HTR5A: variants seen among roughly 807,000 people sequenced by gnomAD.
HTR5A encodes 5-HT-5.
HTR5A carries 21 observed loss-of-function variants against 24.3 expected under a neutral mutation model. The ratio of observed to expected loss-of-function variants is 0.86; its 90% CI spans 0.61 to 1.24. The LOEUF is 1.24. Ranked by LOEUF, HTR5A falls within the 50% of genes most tolerant of loss-of-function variation. The pLI is 0.00. For missense variants in HTR5A, 497 were observed against 489.5 expected (o/e 1.02, Z -0.15); for synonymous variants, 260 against 213.7 (o/e 1.22, Z -1.89).
intron 1 of HTR5A, among the ~76,000 whole-genome samples, chr7:155,073,338 G>A (rs374270995): frequency 0.019 from 816 of 42,160 alleles, 3 homozygotes; most frequent in Middle Eastern, 0.074. Flanking sequence ...AAAAAAAAAA[G>A]AATTGAGGAT....
At chr7:155,071,791 C>G (rs1795298796) in intron 1 of HTR5A, 151 bp downstream of exon 1, 1 of 744,420 alleles carries the variant, frequency 1.3e-6, no homozygotes, top group Non-Finnish European at 2.2e-6. Flanking sequence ...AAGAAAGCAT[C>G]AGAGATGTAC....
Position 155,070,414 on chromosome 7 carries a change from C to T in HTR5A, c.-486C>T, listed in dbSNP as rs1240224876. 2.2e-6 allele frequency: 1 copy of T among 454,670 alleles called. No homozygotes were observed. The highest frequency in any genetic ancestry group is 7.0e-5 in the East Asian group (1 of 14,192). 28.2% of individuals were successfully genotyped at this position (454,670 alleles called of 1,614,324 possible). A position where few individuals can be genotyped will look rare whatever the true frequency, so the allele number is the denominator to read the frequency against. ...TCCCAGAAAGCAGGTTCCCCCAAAA[C>T]TGGCTTCCCTAGCACGGAGTTAAGG... is the stretch of plus-strand genomic sequence containing the variant. On this transcript the variant is annotated 5_prime_UTR_variant, in exon 1 of 2. Transcript: ENST00000287907.
At chr7:155,077,410 A>T (rs918189155) in intron 1 of HTR5A, among the ~76,000 whole-genome samples, 1 of 151,390 alleles carries the variant, frequency 6.6e-6, no homozygotes, top group African/African-American at 2.4e-5. Flanking sequence ...TCAATTTGTC[A>T]TTCATTATCT....
At chr7:155,078,096 C>A (rs1329193278) in intron 1 of HTR5A, among the ~76,000 whole-genome samples, 1 of 152,096 alleles carries the variant, frequency 6.6e-6, no homozygotes, top group African/African-American at 2.4e-5. Context: ...TTCAAGGGTC[C>A]TCCTGCTAGC....
chr7:155,083,259 A>C (rs1250472687), intron 1 of HTR5A, among the ~76,000 whole-genome samples: 1 of 152,246 alleles, frequency 6.6e-6, no homozygotes, highest in Admixed American at 6.5e-5. Flanking sequence ...GAGGGGAAGA[A>C]TACTATTTAA....
Position 155,084,666 on chromosome 7 carries a change from CAT to C in HTR5A, c.*181_*182del. The stretch of plus-strand genomic sequence containing the variant: ...CCTCCTCAGTAGGAATATGACTCCT[CAT>C]AGAGTTACGGTGACATGATGTATCT... On this transcript the variant is annotated 3_prime_UTR_variant, in exon 2 of 2. Coordinates refer to ENST00000287907, the MANE Select transcript of HTR5A (RefSeq NM_024012.4). 1 of 595,582 alleles carries C rather than the reference CAT, an allele frequency of 1.7e-6. No individual in the cohort carries two copies. The highest frequency in any genetic ancestry group is 3.0e-6 in the Non-Finnish European group (1 of 338,012). 36.9% of individuals were successfully genotyped at this position (595,582 alleles called of 1,614,324 possible). A position where few individuals can be genotyped will look rare whatever the true frequency, so the allele number is the denominator to read the frequency against.
Position 155,084,234 on chromosome 7 carries a change from C to T in HTR5A, c.821C>T (p.Thr274Met), listed in dbSNP as rs773969198. Residue 274 changes from threonine to methionine, a missense_variant, in exon 2 of 2, where the codon ACG becomes ATG. Coordinates refer to ENST00000287907, the MANE Select transcript of HTR5A (RefSeq NM_024012.4). Reference sequence around the variant, plus strand: ...GTCACCTTCCAGCCAGAAGGGGACACGTGGCGGGAGCAGAAGGAGCAGCGG... The same window carrying T: ...GTCACCTTCCAGCCAGAAGGGGACATGTGGCGGGAGCAGAAGGAGCAGCGG... ...ATVTFQPEGD[T>M]WREQKEQRAA... The T allele has an allele frequency of 4.5e-5, 72 of 1,613,954 alleles. No individual in the cohort carries two copies. Among genetic ancestry groups the T allele is most frequent in the Non-Finnish European group, 5.4e-5 (64 of 1,180,016 alleles).
chr7:155,081,350 C>G lies in HTR5A; in HGVS notation c.742-2805C>G, dbSNP rs1319755592. ...TGGTTGGATGAAATAAAAGAACATA[C>G]CAGATTTGTGATTAACCAGTAAATA... On this transcript the variant is annotated intron_variant, in intron 1 of 1. Coordinates refer to ENST00000287907, the MANE Select transcript of HTR5A (RefSeq NM_024012.4). Among the ~76,000 whole-genome samples the G allele has an allele frequency of 2.6e-5, 4 of 152,072 alleles. No homozygotes were observed. In the South Asian group the frequency reaches 6.2e-4, roughly 24 times the overall value.
chr7:155,074,845 GACAA>G (rs1328139441), intron 1 of HTR5A: 1 of 152,088 alleles, frequency 6.6e-6, no homozygotes, highest in African/African-American at 2.4e-5. Flanking sequence ...TATACATGTA[GACAA>G]ACAACAGCAA....
chr7:155,071,388 G>T lies in HTR5A; in HGVS notation c.489G>T (p.Ala163=). The T allele has an allele frequency of 6.2e-7, 1 of 1,614,074 alleles. No individual in the cohort carries two copies. The highest frequency in any genetic ancestry group is 8.5e-7 in the Non-Finnish European group (1 of 1,180,036). ...AGTGCGTCTCCAACGTCATGATCGC[G>T]CTCACCTGGGCACTCTCCGCTGTCA... ...TRKCVSNVMI[A]LTWALSAVIS... is the part of the protein sequence containing the mutation. Residue 163 remains alanine, a synonymous_variant, in exon 1 of 2, where the codon GCG becomes GCT. Transcript: ENST00000287907.
chr7:155,081,591 T>G (rs114681084), intron 1 of HTR5A, among the ~76,000 whole-genome samples: 2,029 of 152,336 alleles, frequency 0.013, 39 homozygotes, highest in African/African-American at 0.041. Context: ...TAACCCTATT[T>G]CCTCTCTTTC....
In HTR5A at chr7:155,080,759, G is replaced by A. The variant is rs1317096330; in HGVS notation, c.742-3396G>A. On this transcript the variant is annotated intron_variant, in intron 1 of 1. Coordinates refer to ENST00000287907, the MANE Select transcript of HTR5A (RefSeq NM_024012.4). ...AGCAGGCTGACATCAGCTGCAGAAC[G>A]GAGTTTACTCAGAATGAGGCTTTCT... 2.0e-5 allele frequency among the ~76,000 whole-genome samples: 3 copies of A among 152,308 alleles called. 1 individual carries two copies. Among genetic ancestry groups the A allele is most frequent in the South Asian group, 4.1e-4 (2 of 4,824 alleles).
chr7:155,078,275 C>T (rs1435803327), intron 1 of HTR5A, among the ~76,000 whole-genome samples: 2 of 152,184 alleles, frequency 1.3e-5, no homozygotes, highest in Admixed American at 1.3e-4. Context: ...TGCAAATTGG[C>T]AATTTCACAT....
At chr7:155,076,940 C>T (rs1280110330) in intron 1 of HTR5A, among the ~76,000 whole-genome samples, 1 of 152,180 alleles carries the variant, frequency 6.6e-6, no homozygotes, top group East Asian at 1.9e-4. Flanking sequence ...TTGACAGGTG[C>T]TATGCTGTCA....
chr7:155,073,919 A>G lies in HTR5A; in HGVS notation c.741+2279A>G, dbSNP rs564444040. ...TATATATATATATATATATATATGTATATATATATACTCTCTTCTCTCTCT... is the reference window on the plus strand; with the variant it reads ...TATATATATATATATATATATATGTGTATATATATACTCTCTTCTCTCTCT... On this transcript the variant is annotated intron_variant, in intron 1 of 1. Coordinates refer to ENST00000287907, the MANE Select transcript of HTR5A (RefSeq NM_024012.4). Among the ~76,000 whole-genome samples, 49 of 123,314 alleles carry G rather than the reference A, an allele frequency of 4.0e-4. 1 individual carries two copies. The highest frequency in any genetic ancestry group is 6.1e-4 in the Non-Finnish European group (34 of 56,008). The allele number at this position is 123,314 out of a possible 152,430, so 80.9% of individuals were successfully genotyped here.
intron 1 of HTR5A, among the ~76,000 whole-genome samples, chr7:155,076,360 G>T (rs958083013): frequency 6.6e-6 from 1 of 151,016 alleles, no homozygotes; most frequent in Non-Finnish European, 1.5e-5. Context: ...TATTCTGGAG[G>T]TATACTAATT....
chr7:155,084,134 G>A lies in HTR5A; in HGVS notation c.742-21G>A, dbSNP rs1585123739. ...GTAGACTGAGGTGGCTCCTCATAAA[G>A]CTCCTGCTTGTCTTTTACAGGTGAA... On this transcript the variant is annotated intron_variant, in intron 1 of 1. Coordinates refer to ENST00000287907, the MANE Select transcript of HTR5A (RefSeq NM_024012.4). The A allele has an allele frequency of 1.9e-6, 3 of 1,563,946 alleles. No individual in the cohort carries two copies. The East Asian group carries it at 6.8e-5, about 35-fold the overall frequency.
At position 155,087,227 on chromosome 7, in the gene HTR5A, TA is replaced by T. The variant is rs3832466; in HGVS notation, c.*2749del. ...CCATATTGTAGGGATTAATTCTTGA[TA>T]AAAAAAAAGCTTGTTATTTCTCTCT... On this transcript the variant is annotated 3_prime_UTR_variant, in exon 2 of 2. Coordinates refer to ENST00000287907, the MANE Select transcript of HTR5A (RefSeq NM_024012.4). Among the ~76,000 whole-genome samples the T allele has an allele frequency of 0.74, 111,752 of 151,856 alleles. 41,672 individuals are homozygous for T. The highest frequency in any genetic ancestry group is 0.86 in the African/African-American group (35,690 of 41,442).
chr7:155,071,473 TG>T lies in HTR5A; in HGVS notation c.575del (p.Cys192SerfsTer3), dbSNP rs1280208505. The T allele has an allele frequency of 6.2e-6, 10 of 1,613,956 alleles. No homozygotes were observed. The highest frequency in any genetic ancestry group is 8.5e-6 in the Non-Finnish European group (10 of 1,180,028). ...GACGTACTCTGAGGGCAGCGAGGAG[TG>T]CCAGGTAAGCCGCGAGCCTTCCTAC... ...GETYSEGSEE[C>X]QVSREPSYAV... is the part of the protein sequence containing the mutation. On this transcript the variant is annotated frameshift_variant, in exon 1 of 2. Coordinates refer to ENST00000287907, the MANE Select transcript of HTR5A (RefSeq NM_024012.4). LOFTEE classifies it high-confidence loss of function.
Sources: gnomAD v4.1 joint callset for allele counts (sites outside exome capture counted in the v4.1 genomes callset) on GRCh38, gnomAD v4.1.1 for gene constraint, MANE v1.5 for transcripts, NCBI Gene and HGNC (gene_info 2026-07-23, HGNC 2026-07-21) for gene names.